Variants in MBP observed in about 807,000 individuals in gnomAD.
MBP encodes Golli-MBP.
Under a neutral mutation model 35.8 loss-of-function variants are expected in MBP, and 16 were observed. The ratio of observed to expected loss-of-function variants is 0.45; its 90% CI spans 0.30 to 0.68. MBP has a LOEUF of 0.68. Among genes scored for constraint, MBP ranks in the 30% least tolerant of loss-of-function variants. MBP has a pLI of 0.08. For synonymous variants in MBP, 143 were observed against 159.6 expected, an observed-to-expected ratio of 0.90 and a Z score of 0.78; for missense variants, 380 against 404.7, an observed-to-expected ratio of 0.94 and a Z score of 0.52.
chr18:77,074,802 C>T (rs1974589618), intron 2 of MBP, among the ~76,000 whole-genome samples: 1 of 152,246 alleles, frequency 6.6e-6, no homozygotes, highest in Non-Finnish European at 1.5e-5. Flanking sequence ...ATTGGCACCA[C>T]TGGCAGTGCC....
chr18:77,090,829 G>T (rs1975486139), intron 2 of MBP, among the ~76,000 whole-genome samples: 1 of 152,206 alleles, frequency 6.6e-6, no homozygotes, highest in African/African-American at 2.4e-5. Flanking sequence ...CAACCGGGGA[G>T]TCTCAACCTA....
chr18:76,992,775 G>A (rs1383138387), intron 4 of MBP, among the ~76,000 whole-genome samples: 1 of 152,146 alleles, frequency 6.6e-6, no homozygotes, highest in Non-Finnish European at 1.5e-5. Context: ...CCCTCTGGCT[G>A]CAGCCCTGCC....
At chr18:77,016,755 A>G (rs753440518) in intron 4 of MBP, 77 bp downstream of exon 4, 5 of 1,556,132 alleles carry the variant, frequency 3.2e-6, no homozygotes, top group Non-Finnish European at 4.3e-6. Context: ...TTCTTCCTCT[A>G]ATGGCTGAGT....
At chr18:77,061,976 G>A (rs748866457) in intron 3 of MBP, among the ~76,000 whole-genome samples, 72 of 152,172 alleles carry the variant, frequency 4.7e-4, no homozygotes, top group Non-Finnish European at 1.0e-4. Flanking sequence ...TGAAGTGGAC[G>A]CAGTGAACAC....
intron 2 of MBP, among the ~76,000 whole-genome samples, chr18:77,066,751 G>A (rs899296952): frequency 6.6e-6 from 1 of 152,264 alleles, no homozygotes; most frequent in Non-Finnish European, 1.5e-5. Flanking sequence ...CAGAACTGAC[G>A]CCAGGCCTTA....
chr18:77,040,077 G>A (rs470318), intron 3 of MBP, among the ~76,000 whole-genome samples: 5 of 152,144 alleles, frequency 3.3e-5, no homozygotes, highest in Admixed American at 6.5e-5. Context: ...TTACCTAAAC[G>A]AATATGCACC....
chr18:77,067,065 A>G (rs908219867), intron 2 of MBP, among the ~76,000 whole-genome samples: 7 of 152,234 alleles, frequency 4.6e-5, no homozygotes, highest in Non-Finnish European at 8.8e-5. Flanking sequence ...CAGTGCAGAG[A>G]GAAGACATGG....
chr18:77,014,293 C>G, intron 4 of MBP: 1 of 985,464 alleles, frequency 1.0e-6, no homozygotes, highest in Non-Finnish European at 1.2e-6. Flanking sequence ...CATGTGCCCT[C>G]AAGGGGAGGG....
chr18:77,023,560 G>A (rs112715103), intron 3 of MBP, among the ~76,000 whole-genome samples: 9 of 152,218 alleles, frequency 5.9e-5, no homozygotes, highest in African/African-American at 2.2e-4. Flanking sequence ...ATCCGTAAAG[G>A]GCTTTGCAAC....
chr18:77,052,811 TC>T (rs1973549894), intron 3 of MBP, among the ~76,000 whole-genome samples: 1 of 151,772 alleles, frequency 6.6e-6, no homozygotes, highest in African/African-American at 2.4e-5. Flanking sequence ...CGGGCCTGAG[TC>T]CCCGAGCCCC....
At chr18:77,013,030 G>T in intron 4 of MBP, 21 of 985,454 alleles carry the variant, frequency 2.1e-5, no homozygotes, top group Non-Finnish European at 2.5e-5. Context: ...TGCAGCTCCT[G>T]AGACCACAGA....
chr18:77,060,083 T>G (rs1973901659), intron 3 of MBP, among the ~76,000 whole-genome samples: 1 of 152,160 alleles, frequency 6.6e-6, no homozygotes, highest in African/African-American at 2.4e-5. Flanking sequence ...GAGGCCCTCG[T>G]TCCATGTCCT....
In MBP at chr18:77,044,520, T is replaced by A. The variant is rs1183086261; in HGVS notation, c.139+21778A>T. Among the ~76,000 whole-genome samples the A allele has an allele frequency of 6.6e-6, 1 of 152,082 alleles. No homozygotes were observed. The highest frequency in any genetic ancestry group is 1.5e-5 in the Non-Finnish European group (1 of 68,008). On this transcript the variant is annotated intron_variant, in intron 3 of 8. Transcript: ENST00000355994. This position sits in a 1 kb window ranked among gnomAD's most constrained non-coding sequence, Gnocchi z 4.4. ...ACAGGCCTTCCTGACCCCTCGTCCC[T>A]GGAAAGCCCTCTCCAGGGCCCTCGG...
At chr18:77,019,553 C>T (rs1013496717) in intron 3 of MBP, among the ~76,000 whole-genome samples, 4 of 152,204 alleles carry the variant, frequency 2.6e-5, no homozygotes, top group Non-Finnish European at 5.9e-5. Context: ...GCTCTGCAGA[C>T]ATCTCAACTT....
At chr18:77,066,455 C>T in intron 2 of MBP, 70 bp from the exon 3 acceptor site, 1 of 962,916 alleles carries the variant, frequency 1.0e-6, no homozygotes, top group Non-Finnish European at 1.7e-6. Flanking sequence ...AATTGTAATG[C>T]ATTTGTCTCT....
chr18:76,985,295 G>C lies in MBP; in HGVS notation c.751-401C>G, dbSNP rs1232029533. On this transcript the variant is annotated intron_variant, in intron 7 of 8. Coordinates refer to ENST00000355994, the MANE Select transcript of MBP (RefSeq NM_001025101.2). ...TGCCTACACGGGTTTGGAGGACTCG[G>C]ACCCTGGGGGGCTGTGCGCTGTGTA... The C allele has an allele frequency of 1.0e-5, 13 of 1,303,904 alleles. No individual in the cohort carries two copies. In the East Asian group the frequency reaches 5.8e-4, roughly 58 times the overall value. The allele number at this position is 1,303,904 out of a possible 1,614,324, so 80.8% of individuals were successfully genotyped here. A position where few individuals can be genotyped will look rare whatever the true frequency, so the allele number is the denominator to read the frequency against.
chr18:76,987,863 A>C (rs1299650171), intron 7 of MBP: 1 of 1,040,406 alleles, frequency 9.6e-7, no homozygotes, highest in Non-Finnish European at 1.2e-6. Context: ...AGAAAGTTCA[A>C]ATTGGCCATT....
chr18:77,092,380 G>A (rs1337512611), intron 2 of MBP, among the ~76,000 whole-genome samples: 1 of 152,216 alleles, frequency 6.6e-6, no homozygotes, highest in African/African-American at 2.4e-5. Context: ...AGGAAGGAGC[G>A]TCGTCATGGC....
intron 3 of MBP, among the ~76,000 whole-genome samples, chr18:77,036,815 T>C (rs1476884184): frequency 1.4e-5 from 2 of 146,886 alleles, no homozygotes; most frequent in Non-Finnish European, 3.0e-5. Flanking sequence ...GCTCACGTTT[T>C]GGAGGACTGA....
Sources: gnomAD v4.1 joint callset for allele counts (sites outside exome capture counted in the v4.1 genomes callset) on GRCh38, gnomAD v4.1.1 for gene constraint, Gnocchi (gnomAD v3.1) non-coding constraint, MANE v1.5 for transcripts, NCBI Gene and HGNC (gene_info 2026-07-23, HGNC 2026-07-21) for gene names.